Variants in GBF1 observed in about 807,000 individuals in gnomAD.
GBF1 encodes the protein Golgi-specific brefeldin A-resistance guanine nucleotide exchange factor 1.
GBF1 carries 114 observed loss-of-function variants against 210.5 expected under a neutral mutation model. That is an observed-to-expected ratio of 0.54 (90% CI 0.47 to 0.63). The LOEUF (loss-of-function observed/expected upper bound fraction) is 0.63, where lower values mean the gene tolerates loss of function less well. GBF1 is among the 30% of genes least tolerant of loss of function. GBF1 has a pLI of 0.00. For missense variants in GBF1, 1,851 were observed against 2,357.7 expected (o/e 0.79, Z 4.45); for synonymous variants, 850 against 889.2 (o/e 0.96, Z 0.78).
intron 3 of GBF1, among the ~76,000 whole-genome samples, chr10:102,271,315 G>T (rs916102723): frequency 3.9e-5 from 6 of 152,102 alleles, no homozygotes; most frequent in Non-Finnish European, 8.8e-5. Flanking sequence ...GGAATTACAG[G>T]CGTGAGCCAC....
In GBF1 at chr10:102,370,781, G is replaced by C. The variant is rs371003806; in HGVS notation, c.3581G>C (p.Cys1194Ser). 2.5e-6 allele frequency: 4 copies of C among 1,614,146 alleles called. No homozygotes were observed. ...YHLCVQAQDF[C>S]FLVERAVVGL... is the part of the protein sequence containing the mutation. ...CTCTGTGTTCAGGCACAAGATTTCT[G>C]CTTCCTTGTGGAGCGGGCAGTGGTG... The change falls in exon 29 of 40, where the codon TGC becomes TCC. Residue 1194 changes from cysteine (C) to serine (S), a missense_variant. Transcript: ENST00000369983.
chr10:102,308,590 T>C (rs894844990), intron 3 of GBF1, among the ~76,000 whole-genome samples: 2 of 151,800 alleles, frequency 1.3e-5, no homozygotes, highest in South Asian at 2.1e-4. Flanking sequence ...ATGGATGAAA[T>C]TGGAAATCAT....
At chr10:102,261,276 A>G (rs2073179474) in intron 3 of GBF1, among the ~76,000 whole-genome samples, 1 of 151,918 alleles carries the variant, frequency 6.6e-6, no homozygotes, top group South Asian at 2.1e-4. Flanking sequence ...ATGTATATAT[A>G]TACACACACA....
rs142762088 is a variant in GBF1 at position 102,357,042 on chromosome 10, A to G, written c.640-997A>G. Among the ~76,000 whole-genome samples, 265 of 152,308 alleles carry G rather than the reference A, an allele frequency of 1.7e-3. 1 individual carries two copies. Among genetic ancestry groups the G allele is most frequent in the African/African-American group, 5.4e-3 (224 of 41,570 alleles). ...GAGGGCCAGAGGGACAGGTAGTCTC[A>G]TTGATATAACAAATTGGGAGCAGCA... On this transcript the variant is annotated intron_variant, in intron 8 of 39. Transcript: ENST00000369983.
chr10:102,365,294 CT>C (rs1374349978), intron 17 of GBF1, 102 bp from the exon 18 acceptor site: 3 of 803,142 alleles, frequency 3.7e-6, no homozygotes, highest in Non-Finnish European at 4.2e-6. Context: ...ATCCTAGGAG[CT>C]TTTTAGCTGA....
chr10:102,369,747 C>T lies in GBF1; in HGVS notation c.3187C>T (p.Leu1063=), dbSNP rs747441657. The T allele has an allele frequency of 6.2e-7, 1 of 1,614,178 alleles. No individual in the cohort carries two copies. Among genetic ancestry groups the T allele is most frequent in the Non-Finnish European group, 8.5e-7 (1 of 1,179,998 alleles). Residue 1063 remains leucine, a synonymous_variant, in exon 25 of 40, where the codon CTA becomes TTA. Coordinates refer to ENST00000369983, the MANE Select transcript of GBF1 (RefSeq NM_001377137.1). ...CGTGGATCCCAATGGCAAGATCTCT[C>T]TACAGCGGGAAGAGACACCATCAAA... ...DFVDPNGKIS[L]QREETPSNRG...
At chr10:102,331,704 A>G (rs1218164823) in intron 3 of GBF1, among the ~76,000 whole-genome samples, 2 of 152,056 alleles carry the variant, frequency 1.3e-5, no homozygotes, top group Middle Eastern at 3.2e-3. Context: ...CTTTTGAGAC[A>G]GGGCCTCACT....
chr10:102,361,250 C>A, intron 13 of GBF1, 130 bp downstream of exon 13: 2 of 653,506 alleles, frequency 3.1e-6, no homozygotes, highest in Non-Finnish European at 5.6e-6. Context: ...TCCTTTTAGC[C>A]TCCAGAGTTC....
At chr10:102,306,156 CT>C (rs1290101242) in intron 3 of GBF1, among the ~76,000 whole-genome samples, 2 of 152,190 alleles carry the variant, frequency 1.3e-5, no homozygotes, top group Non-Finnish European at 2.9e-5. Context: ...GATTTTACCT[CT>C]CTTGACCTCA....
At chr10:102,238,113 CCT>C in the GBF1 span, among the ~76,000 whole-genome samples, 2 of 152,122 alleles carry the variant, frequency 1.3e-5, no homozygotes, top group Non-Finnish European at 2.9e-5. Flanking sequence ...GAAAGTTATT[CCT>C]CTCTGTCTTC....
At chr10:102,278,460 T>A (rs2075194174) in intron 3 of GBF1, among the ~76,000 whole-genome samples, 1 of 152,198 alleles carries the variant, frequency 6.6e-6, no homozygotes, top group African/African-American at 2.4e-5. Flanking sequence ...TGACATTTTT[T>A]ATAACTACAG....
At chr10:102,290,695 G>A (rs1479332305) in intron 3 of GBF1, among the ~76,000 whole-genome samples, 1 of 152,026 alleles carries the variant, frequency 6.6e-6, no homozygotes, top group Non-Finnish European at 1.5e-5. Context: ...TGTAGAGATG[G>A]GTTTTTGCCA....
intron 3 of GBF1, among the ~76,000 whole-genome samples, chr10:102,338,098 A>G (rs1273026911): frequency 1.3e-5 from 2 of 152,136 alleles, no homozygotes; most frequent in Admixed American, 1.3e-4. Flanking sequence ...TGACATGATA[A>G]TGAAGGTTCC....
In GBF1 at chr10:102,316,209, C is replaced by T. The variant is rs199755405; in HGVS notation, c.164-27842C>T. 1.2e-4 allele frequency among the ~76,000 whole-genome samples: 18 copies of T among 151,860 alleles called. No individual in the cohort carries two copies. In the East Asian group the frequency reaches 3.3e-3, roughly 28 times the overall value. On this transcript the variant is annotated intron_variant, in intron 3 of 39. Transcript: ENST00000369983. ...TCAAGCGATTCTCCTGCCTCAGCCT[C>T]CCATGTAGCTGGGATTACAAGCGTG...
intron 4 of GBF1, among the ~76,000 whole-genome samples, chr10:102,345,034 A>G (rs2058440387): frequency 6.6e-6 from 1 of 152,126 alleles, no homozygotes; most frequent in African/African-American, 2.4e-5. Context: ...CTGTAAGCCT[A>G]GCACTTTGGG....
chr10:102,347,273 G>T (rs2134670999), intron 4 of GBF1, among the ~76,000 whole-genome samples: 1 of 152,320 alleles, frequency 6.6e-6, no homozygotes, highest in South Asian at 2.1e-4. Flanking sequence ...GATGCATTCA[G>T]GATCCTGAGC....
chr10:102,249,133 G>A (rs2071191318), intron 1 of GBF1, among the ~76,000 whole-genome samples: 1 of 152,184 alleles, frequency 6.6e-6, no homozygotes, highest in Non-Finnish European at 1.5e-5. Flanking sequence ...CTGTGGACTG[G>A]ATTCTGCCCA....
chr10:102,286,812 T>G (rs2075989761), intron 3 of GBF1, among the ~76,000 whole-genome samples: 1 of 152,242 alleles, frequency 6.6e-6, no homozygotes, highest in Admixed American at 6.5e-5. Flanking sequence ...TCTCTGGGGA[T>G]AAATTTGCTG....
intron 3 of GBF1, among the ~76,000 whole-genome samples, chr10:102,336,653 C>T (rs1034394184): frequency 2.6e-5 from 4 of 152,168 alleles, no homozygotes; most frequent in Admixed American, 2.6e-4. Flanking sequence ...AGTTGCAGAA[C>T]TGGGATTTGA....
Sources: allele counts gnomAD v4.1 joint callset (sites outside exome capture counted in the v4.1 genomes callset), GRCh38; gene constraint gnomAD v4.1.1; transcripts MANE v1.5; gene names NCBI Gene and HGNC (gene_info 2026-07-23, HGNC 2026-07-21).